The following HIVEP1 variants were observed in gnomAD, a reference collection of about 807,000 sequenced individuals.
The protein encoded by HIVEP1 is zinc finger protein 40.
In HIVEP1, 36 loss-of-function variants were observed where a neutral mutation model predicts 180.0. That is an observed-to-expected ratio of 0.20 (90% CI 0.15 to 0.26). The LOEUF (loss-of-function observed/expected upper bound fraction) is 0.26, where lower values mean the gene tolerates loss of function less well. Among genes scored for constraint, HIVEP1 ranks in the 10% least tolerant of loss-of-function variants. The pLI is 1.00. For synonymous variants in HIVEP1, 1,239 were observed against 1,239.0 expected, an observed-to-expected ratio of 1.00 and a Z score of 0.00; for missense variants, 3,143 against 3,268.7, an observed-to-expected ratio of 0.96 and a Z score of 0.94.
chr6:12,027,885 T>C (rs542129991), intron 2 of HIVEP1, among the ~76,000 whole-genome samples: 1 of 152,368 alleles, frequency 6.6e-6, no homozygotes, highest in South Asian at 2.1e-4. Flanking sequence ...TCCTAATAAT[T>C]CTTTTTTTCT....
chr6:12,121,442 C>T lies in HIVEP1; in HGVS notation c.1647C>T (p.Asp549=). Residue 549 remains aspartate, a synonymous_variant, in exon 4 of 9, where the codon GAC becomes GAT. Coordinates refer to ENST00000379388, the MANE Select transcript of HIVEP1 (RefSeq NM_002114.4). This position sits in a 1 kb window ranked among gnomAD's most constrained non-coding sequence, Gnocchi z 5.3. ...TGATAGGTGACTTTTTGCTACAGGA[C>T]AGATCTGCAGAATCACAAGCTGTGA... ...ENVIGDFLLQ[D]RSAESQAVTE... The T allele has an allele frequency of 6.2e-7, 1 of 1,614,156 alleles. No homozygotes were observed. The highest frequency in any genetic ancestry group is 8.5e-7 in the Non-Finnish European group (1 of 1,180,018).
downstream of HIVEP1, among the ~76,000 whole-genome samples, chr6:12,169,559 T>C (rs533721222): frequency 9.2e-5 from 14 of 152,264 alleles, 2 homozygotes; most frequent in African/African-American, 3.4e-4. Context: ...TCAGGTAAAC[T>C]AGGACATGAC....
At chr6:12,178,304 A>G in the HIVEP1 span, among the ~76,000 whole-genome samples, 1 of 152,358 alleles carries the variant, frequency 6.6e-6, no homozygotes, top group Admixed American at 6.5e-5. Flanking sequence ...CTGTGAGAAT[A>G]AGATCCGGGC....
chr6:12,036,504 A>G (rs1037322031), intron 2 of HIVEP1, among the ~76,000 whole-genome samples: 5 of 152,154 alleles, frequency 3.3e-5, no homozygotes, highest in Non-Finnish European at 5.9e-5. Context: ...TAATTCATCA[A>G]TCTGTGTTCT....
chr6:12,164,293 T>C lies in HIVEP1; in HGVS notation c.7989T>C (p.Pro2663=), dbSNP rs757035512. ...IQGQPASTSQ[P]LLKAHSEVFT... is the part of the protein sequence containing the mutation. ...GCCAACCAGCGTCCACGTCACAACCTCTGCTGAAGGCACATTCTGAAGTTT... is the reference window on the plus strand; with the variant it reads ...GCCAACCAGCGTCCACGTCACAACCCCTGCTGAAGGCACATTCTGAAGTTT... The change falls in exon 9 of 9, where the codon CCT becomes CCC. Residue 2663 remains proline (P), a synonymous_variant. Transcript: ENST00000379388. 1.4e-5 allele frequency: 22 copies of C among 1,613,972 alleles called. No homozygotes were observed. Among genetic ancestry groups the C allele is most frequent in the Non-Finnish European group, 1.9e-5 (22 of 1,180,000 alleles).
intron 2 of HIVEP1, among the ~76,000 whole-genome samples, chr6:12,068,279 G>A (rs560116972): frequency 7.6e-4 from 115 of 152,040 alleles, no homozygotes; most frequent in African/African-American, 2.5e-3. Flanking sequence ...TAGTAGAGGC[G>A]GGGTTTCACC....
At chr6:12,015,703 T>G in intron 2 of HIVEP1, 35 bp downstream of exon 2, 1 of 1,585,374 alleles carries the variant, frequency 6.3e-7, no homozygotes. Flanking sequence ...TAAGGCTTGC[T>G]GTAAATCTTT....
At chr6:12,137,976 A>T (rs530203368) in intron 7 of HIVEP1, among the ~76,000 whole-genome samples, 7 of 152,274 alleles carry the variant, frequency 4.6e-5, no homozygotes, top group Non-Finnish European at 1.0e-4. Context: ...CAAATTCAAT[A>T]TATTTTTTAA....
chr6:12,017,404 G>A (rs1048897849), intron 2 of HIVEP1, among the ~76,000 whole-genome samples: 1 of 152,220 alleles, frequency 6.6e-6, no homozygotes, highest in African/African-American at 2.4e-5. Context: ...CAGGAGTGAA[G>A]CTGCACACCT....
chr6:12,072,579 C>T (rs1489252019), intron 2 of HIVEP1, among the ~76,000 whole-genome samples: 2 of 152,126 alleles, frequency 1.3e-5, no homozygotes, highest in Non-Finnish European at 2.9e-5. Flanking sequence ...TTCCAGCTCT[C>T]TCTTCTGGAG....
the HIVEP1 span, among the ~76,000 whole-genome samples, chr6:12,210,626 G>A: frequency 1.3e-5 from 2 of 152,202 alleles, no homozygotes; most frequent in Non-Finnish European, 2.9e-5. Flanking sequence ...ATCATCTCCC[G>A]GCTTGCAGTA....
chr6:12,132,997 A>G (rs904495028), intron 6 of HIVEP1, among the ~76,000 whole-genome samples: 4 of 152,118 alleles, frequency 2.6e-5, no homozygotes, highest in African/African-American at 9.7e-5. Flanking sequence ...TTTACTTGCT[A>G]TACTAGCCAG....
chr6:12,050,068 T>C (rs572515631), intron 2 of HIVEP1, among the ~76,000 whole-genome samples: 10 of 152,236 alleles, frequency 6.6e-5, no homozygotes, highest in African/African-American at 2.4e-4. Flanking sequence ...TCTGATCAGC[T>C]TTGTCCATGA....
rs769994799 is a variant in HIVEP1 at position 12,121,727 on chromosome 6, C to A, written c.1932C>A (p.Ala644=). The A allele has an allele frequency of 1.2e-6, 2 of 1,614,006 alleles. No homozygotes were observed. Among genetic ancestry groups the A allele is most frequent in the East Asian group, 4.5e-5 (2 of 44,892 alleles). Residue 644 remains alanine, a synonymous_variant, in exon 4 of 9, where the codon GCC becomes GCA. Coordinates refer to ENST00000379388, the MANE Select transcript of HIVEP1 (RefSeq NM_002114.4). The surrounding 1 kb of genome is among the most constrained non-coding windows in gnomAD (Gnocchi z 5.3). ...ACTCTCACGTAGGAACGGTACACGC[C>A]CAGCTACAAAGGCAGCAGGCTACCG... ...KQDSHVGTVH[A]QLQRQQATDY...
the HIVEP1 span, among the ~76,000 whole-genome samples, chr6:12,205,236 C>T: frequency 6.6e-6 from 1 of 152,278 alleles, no homozygotes; most frequent in East Asian, 1.9e-4. Flanking sequence ...CTTTGGGAGG[C>T]CAAGGCGGGT....
chr6:12,114,209 A>G (rs1775083808), intron 3 of HIVEP1, among the ~76,000 whole-genome samples: 1 of 152,058 alleles, frequency 6.6e-6, no homozygotes, highest in Non-Finnish European at 1.5e-5. Flanking sequence ...CTGGTATATG[A>G]TAGGGTTTTT....
At chr6:12,019,943 A>G (rs1768076782) in intron 2 of HIVEP1, among the ~76,000 whole-genome samples, 1 of 152,242 alleles carries the variant, frequency 6.6e-6, no homozygotes, top group Non-Finnish European at 1.5e-5. Context: ...CAATACCGGA[A>G]TCTATCATGG....
chr6:12,193,058 T>C, the HIVEP1 span, among the ~76,000 whole-genome samples: 1 of 152,196 alleles, frequency 6.6e-6, no homozygotes, highest in Non-Finnish European at 1.5e-5. Flanking sequence ...AGAGCTGTTA[T>C]AAGGCTTACT....
rs529730464 is a variant in HIVEP1, at chr6:12,093,542, T to TA, written c.94+4312dup. On this transcript the variant is annotated intron_variant, in intron 3 of 8. Transcript: ENST00000379388. ...AAAACCCATCTGGAGTTTGTTTTTT[T>TA]AAAAAAATATACCTAGTTTTTTAAT... Among the ~76,000 whole-genome samples the TA allele has an allele frequency of 7.7e-4, 117 of 151,848 alleles. 1 individual carries two copies. In the East Asian group the frequency reaches 0.017, roughly 22 times the overall value.
Sources: gnomAD v4.1 joint callset for allele counts (sites outside exome capture counted in the v4.1 genomes callset) on GRCh38, gnomAD v4.1.1 for gene constraint, Gnocchi (gnomAD v3.1) non-coding constraint, MANE v1.5 for transcripts, NCBI Gene and HGNC (gene_info 2026-07-23, HGNC 2026-07-21) for gene names.